NAV1: variants seen among roughly 807,000 people sequenced by gnomAD.
NAV1 encodes neuron navigator 1.
In NAV1, 18 loss-of-function variants were observed where a neutral mutation model predicts 175.2. The observed-to-expected ratio is 0.10, with a 90% CI of 0.07 to 0.15. The LOEUF (loss-of-function observed/expected upper bound fraction) is 0.15, where lower values mean the gene tolerates loss of function less well. NAV1 is among the 10% of genes least tolerant of loss of function. The pLI is 1.00. For synonymous variants in NAV1, 897 were observed against 978.7 expected (o/e 0.92, Z 1.56); for missense variants, 1,731 against 2,436.6 (o/e 0.71, Z 6.10).
intron 2 of NAV1, among the ~76,000 whole-genome samples, chr1:201,608,771 G>A (rs985308374): frequency 2.0e-5 from 3 of 152,188 alleles, no homozygotes; most frequent in Non-Finnish European, 4.4e-5. Flanking sequence ...CTGGGACCTT[G>A]GGCAGTGGCC....
In NAV1 at chr1:201,782,158, T is replaced by C. The variant is rs886752443; in HGVS notation, c.1664-18T>C. 6 of 1,555,304 alleles carry C rather than the reference T, an allele frequency of 3.9e-6. No homozygotes were observed. In the African/African-American group the frequency reaches 8.2e-5, roughly 21 times the overall value. ...CTGGTCAGTTTCAGCTCTTTTCTCA[T>C]TTCCCGTCCTCTTGCAGGCAAACCT... On this transcript the variant is annotated intron_variant, in intron 5 of 29. Coordinates refer to ENST00000367296, the Ensembl canonical transcript of NAV1. This position sits in a 1 kb window ranked among gnomAD's most constrained non-coding sequence, Gnocchi z 5.4.
intron 2 of NAV1, among the ~76,000 whole-genome samples, chr1:201,604,495 A>G (rs949766227): frequency 6.6e-5 from 10 of 152,150 alleles, no homozygotes; most frequent in Non-Finnish European, 1.5e-4. Flanking sequence ...AAGCCTAGCC[A>G]ACATGGTGAA....
intron 3 of NAV1, among the ~76,000 whole-genome samples, chr1:201,753,680 A>G (rs1674276778): frequency 6.6e-6 from 1 of 152,200 alleles, no homozygotes; most frequent in Non-Finnish European, 1.5e-5. Context: ...GAGAGGTCAA[A>G]CGATTTTACA....
At chr1:201,626,430 C>T (rs1357205144) in intron 1 of NAV1, among the ~76,000 whole-genome samples, 4 of 152,238 alleles carry the variant, frequency 2.6e-5, no homozygotes, top group Non-Finnish European at 5.9e-5. Flanking sequence ...ATCTTCTCCC[C>T]TGCCCCATCC....
intron 2 of NAV1, among the ~76,000 whole-genome samples, chr1:201,610,674 G>C (rs1667818878): frequency 6.6e-6 from 1 of 152,160 alleles, no homozygotes; most frequent in African/African-American, 2.4e-5. Context: ...GGGTGGTGGA[G>C]TTGCTCTGGG....
At chr1:201,818,508 G>A (rs1319987808) in intron 29 of NAV1, among the ~76,000 whole-genome samples, 1 of 146,364 alleles carries the variant, frequency 6.8e-6, no homozygotes, top group Non-Finnish European at 1.5e-5. Context: ...CCAGCCTGGC[G>A]ACAGAGCGAG....
At chr1:201,574,508 G>T (rs980308860) in intron 1 of NAV1, among the ~76,000 whole-genome samples, 24 of 152,120 alleles carry the variant, frequency 1.6e-4, no homozygotes, top group African/African-American at 5.8e-4. Context: ...TGGACCTCAG[G>T]TTTCCTGTGA....
upstream of NAV1, among the ~76,000 whole-genome samples, chr1:201,621,157 G>A (rs747492442): frequency 7.3e-5 from 11 of 150,914 alleles, no homozygotes; most frequent in Non-Finnish European, 1.5e-4. Context: ...TGGACTCAAG[G>A]GATCCTCCCC....
intron 3 of NAV1, among the ~76,000 whole-genome samples, chr1:201,721,065 C>A (rs1672364960): frequency 6.6e-6 from 1 of 152,060 alleles, no homozygotes; most frequent in Non-Finnish European, 1.5e-5. Flanking sequence ...TTCCCGAATC[C>A]ATTTTTTAAA....
Position 201,539,856 on chromosome 1 carries a change from C to T in NAV1, c.-144+514C>T, listed in dbSNP as rs1665452250. On this transcript the variant is annotated intron_variant, in intron 1 of 33. Coordinates refer to the NAV1 transcript ENST00000685211. The surrounding 1 kb of genome is among the most constrained non-coding windows in gnomAD (Gnocchi z 5.6). ...TGACCTCGCGGGCCGTTCCAGAAAA[C>T]GTTCCCCGCACCCCCGGGATGCGCC... Among the ~76,000 whole-genome samples the T allele has an allele frequency of 6.6e-6, 1 of 152,172 alleles. No individual in the cohort carries two copies. The highest frequency in any genetic ancestry group is 6.5e-5 in the Admixed American group (1 of 15,284).
At chr1:201,690,469 G>A (rs1257338643) in intron 1 of NAV1, among the ~76,000 whole-genome samples, 1 of 135,602 alleles carries the variant, frequency 7.4e-6, no homozygotes, top group Non-Finnish European at 1.6e-5. Context: ...CCTGTCCGTG[G>A]CAGAGTATGT....
chr1:201,595,657 G>A (rs1477314365), intron 2 of NAV1, among the ~76,000 whole-genome samples: 1 of 152,246 alleles, frequency 6.6e-6, no homozygotes, highest in Non-Finnish European at 1.5e-5. Flanking sequence ...CAGCAAGTGG[G>A]CTGGGTCTGG....
At chr1:201,785,282 C>CTTTTTTT in intron 7 of NAV1, 28 bp from the exon 12 acceptor site, 1 of 1,474,658 alleles carries the variant, frequency 6.8e-7, no homozygotes, top group Non-Finnish European at 9.1e-7. Flanking sequence ...CTCTCTCTCT[C>CTTTTTTT]TTTTTTTTTT....
At chr1:201,707,518 C>T (rs576611665) in intron 1 of NAV1, among the ~76,000 whole-genome samples, 15 of 152,200 alleles carry the variant, frequency 9.9e-5, no homozygotes, top group Non-Finnish European at 2.1e-4. Context: ...GTACCAGGAC[C>T]TGAAGCACAG....
At chr1:201,702,916 T>C (rs1671499691) in intron 1 of NAV1, among the ~76,000 whole-genome samples, 1 of 152,212 alleles carries the variant, frequency 6.6e-6, no homozygotes, top group South Asian at 2.1e-4. Flanking sequence ...AGAGTTGTCC[T>C]GAAGATTAAA....
At chr1:201,618,793 A>G (rs1259185101), upstream of NAV1, among the ~76,000 whole-genome samples, 2 of 152,218 alleles carry the variant, frequency 1.3e-5, no homozygotes, top group African/African-American at 4.8e-5. Context: ...GTTAAGAACT[A>G]GAAACAATGT....
chr1:201,622,815 T>C, upstream of NAV1: 2 of 985,174 alleles, frequency 2.0e-6, no homozygotes, highest in Non-Finnish European at 2.4e-6. Flanking sequence ...CTTGTGGGGA[T>C]GTGCCTGACG....
chr1:201,811,590 T>C lies in NAV1; in HGVS notation c.4798-13T>C, dbSNP rs1257426900. On this transcript the variant is annotated splice_polypyrimidine_tract_variant and intron_variant, in intron 24 of 29. Transcript: ENST00000367296. ...ATTCCCAAGTGCTGACCCACAGCCT[T>C]CTTTTATTCCAGGATCTGCAACTGT... The C allele has an allele frequency of 6.2e-7, 1 of 1,614,040 alleles. No homozygotes were observed. The highest frequency in any genetic ancestry group is 1.7e-5 in the Admixed American group (1 of 59,988).
chr1:201,812,367 T>G lies in NAV1; in HGVS notation c.5025-98T>G. ...TGAAAAGAAACCAAGTAGGCATTAG[T>G]GAGAAGCAGGCAGAAGGAGGGACAG... On this transcript the variant is annotated intron_variant, in intron 26 of 29. Coordinates refer to ENST00000367296, the Ensembl canonical transcript of NAV1. This position sits in a 1 kb window ranked among gnomAD's most constrained non-coding sequence, Gnocchi z 4.6. The G allele has an allele frequency of 2.5e-6, 3 of 1,218,004 alleles. No individual in the cohort carries two copies. In the South Asian group the frequency reaches 4.0e-5, roughly 16 times the overall value. The allele number at this position is 1,218,004 out of a possible 1,614,324, so 75.4% of individuals were successfully genotyped here. A position where few individuals can be genotyped will look rare whatever the true frequency, so the allele number is the denominator to read the frequency against.
Sources: allele counts gnomAD v4.1 joint callset (sites outside exome capture counted in the v4.1 genomes callset), GRCh38; gene constraint gnomAD v4.1.1; non-coding constraint Gnocchi (gnomAD v3.1); transcripts MANE v1.5; gene names NCBI Gene and HGNC (gene_info 2026-07-23, HGNC 2026-07-21).